Variants in EPHA8 observed in about 807,000 individuals in gnomAD.
EPHA8 encodes the protein ephrin type-A receptor 8.
A neutral mutation model predicts 103.6 loss-of-function variants in EPHA8; 58 were observed. The observed-to-expected ratio is 0.56, with a 90% confidence interval of 0.45 to 0.70. EPHA8 has a LOEUF of 0.70. Among genes scored for constraint, EPHA8 ranks in the 30% least tolerant of loss-of-function variants. The pLI is 0.00. For synonymous variants in EPHA8, 559 were observed against 572.5 expected (o/e 0.98, Z 0.34); for missense variants, 1,304 against 1,395.2 (o/e 0.93, Z 1.04).
rs766256461 is a variant in EPHA8, at chr1:22,601,390, C to T, written c.2820C>T (p.Asp940=). The change falls in exon 16 of 17, where the codon GAC becomes GAT. Residue 940 remains aspartate (D), a synonymous_variant. Transcript: ENST00000166244. ...GCCTCACCGTGGGGGACTGGCTGGA[C>T]TCCATCCGCATGGGCCGGTACCGAG... The part of the protein sequence containing the change: ...GGGLTVGDWL[D]SIRMGRYRDH... 11 of 1,611,538 alleles carry T rather than the reference C, an allele frequency of 6.8e-6. No homozygotes were observed. The highest frequency in any genetic ancestry group is 9.3e-6 in the Non-Finnish European group (11 of 1,179,752).
rs753371979 is a variant in EPHA8 at position 22,598,997 on chromosome 1, G to C, written c.2338G>C (p.Gly780Arg). ...CCTGGTCTGCAAGGTGTCTGACTTCGGGCTCTCACGGGTGCTGGAGGACGA... is the reference window on the plus strand; with the variant it reads ...CCTGGTCTGCAAGGTGTCTGACTTCCGGCTCTCACGGGTGCTGGAGGACGA... Reference protein sequence around the residue: ...SNLVCKVSDFGLSRVLEDDPD... With the variant: ...SNLVCKVSDFRLSRVLEDDPD... Residue 780 changes from glycine to arginine, a missense_variant, in exon 13 of 17, where the codon GGG (glycine) becomes CGG (arginine). By Grantham distance (125) the Gly-to-Arg change is moderately radical (BLOSUM62 -2). Transcript: ENST00000166244. The surrounding 1 kb of genome is among the most constrained non-coding windows in gnomAD (Gnocchi z 5.1). 2 of 1,611,414 alleles carry C rather than the reference G, an allele frequency of 1.2e-6. No individual in the cohort carries two copies. Among genetic ancestry groups the C allele is most frequent in the Admixed American group, 1.7e-5 (1 of 59,788 alleles).
intron 2 of EPHA8, among the ~76,000 whole-genome samples, chr1:22,575,152 T>C (rs190755032): frequency 1.5e-4 from 23 of 152,246 alleles, no homozygotes; most frequent in Non-Finnish European, 2.8e-4. Flanking sequence ...GGTTTCGCCA[T>C]GTTGGCCAGG....
chr1:22,601,189 C>G, intron 15 of EPHA8, 101 bp downstream of exon 15: 3 of 1,527,320 alleles, frequency 2.0e-6, no homozygotes, highest in Non-Finnish European at 2.6e-6. Context: ...GGACCAGGCC[C>G]AGCCTGGGCC....
At chr1:22,578,566 A>C (rs1263385525) in intron 3 of EPHA8, among the ~76,000 whole-genome samples, 4 of 102,684 alleles carry the variant, frequency 3.9e-5, no homozygotes, top group Admixed American at 1.1e-4. Context: ...CACATTTGTT[A>C]GTGTCTGCAT....
At chr1:22,565,773 AG>A (rs1640342083) in intron 1 of EPHA8, among the ~76,000 whole-genome samples, 2 of 152,086 alleles carry the variant, frequency 1.3e-5, no homozygotes, top group African/African-American at 4.8e-5. Flanking sequence ...CTAGAGAGAG[AG>A]GCAGGTGGGG....
chr1:22,598,643 G>A lies in EPHA8; in HGVS notation c.2179-195G>A, dbSNP rs544603198. Reference sequence around the variant, plus strand: ...CAGTCATTGCTGCCCCACGTACCTCGCAGGGTTGCTGTGAGGGTAAATGAG... The same window carrying A: ...CAGTCATTGCTGCCCCACGTACCTCACAGGGTTGCTGTGAGGGTAAATGAG... On this transcript the variant is annotated intron_variant, in intron 12 of 16. Coordinates refer to ENST00000166244, the MANE Select transcript of EPHA8 (RefSeq NM_020526.5). This position sits in a 1 kb window ranked among gnomAD's most constrained non-coding sequence, Gnocchi z 5.1. Among the ~76,000 whole-genome samples, 3 of 152,256 alleles carry A rather than the reference G, an allele frequency of 2.0e-5. No individual in the cohort carries two copies. The highest frequency in any genetic ancestry group is 2.4e-5 in the African/African-American group (1 of 41,544).
chr1:22,589,582 C>A lies in EPHA8; in HGVS notation c.1315+376C>A, dbSNP rs529451033. ...TGAAATTGCTTAGCCCAGCACCTGG[C>A]CCGTGGTAAATGCTCAATAAATGTC... On this transcript the variant is annotated intron_variant, in intron 5 of 16. Transcript: ENST00000166244. This position sits in a 1 kb window ranked among gnomAD's most constrained non-coding sequence, Gnocchi z 4.3. 5 of 1,314,326 alleles carry A rather than the reference C, an allele frequency of 3.8e-6. No homozygotes were observed. Among genetic ancestry groups the A allele is most frequent in the Non-Finnish European group, 4.8e-6 (5 of 1,036,534 alleles). 81.4% of individuals were successfully genotyped at this position (1,314,326 alleles called of 1,614,324 possible). A position where few individuals can be genotyped will look rare whatever the true frequency, so the allele number is the denominator to read the frequency against.
chr1:22,569,378 C>A lies in EPHA8; in HGVS notation c.159+25C>A. ...GGTGAGTGATGGGCACTGGGGACAACGTCATCCCTCTGTGAGCAGAGAGAG... is the reference window on the plus strand; with the variant it reads ...GGTGAGTGATGGGCACTGGGGACAAAGTCATCCCTCTGTGAGCAGAGAGAG... On this transcript the variant is annotated intron_variant, in intron 2 of 16. Coordinates refer to ENST00000166244, the MANE Select transcript of EPHA8 (RefSeq NM_020526.5). This position sits in a 1 kb window ranked among gnomAD's most constrained non-coding sequence, Gnocchi z 4.5. The A allele has an allele frequency of 6.4e-7, 1 of 1,562,400 alleles. No homozygotes were observed. Among genetic ancestry groups the A allele is most frequent in the Non-Finnish European group, 8.7e-7 (1 of 1,155,456 alleles).
intron 3 of EPHA8, among the ~76,000 whole-genome samples, chr1:22,577,772 G>C (rs1640753287): frequency 6.6e-6 from 1 of 151,488 alleles, no homozygotes; most frequent in Non-Finnish European, 1.5e-5. Context: ...GTGCATGAGT[G>C]TGTGTGTGCA....
intron 3 of EPHA8, among the ~76,000 whole-genome samples, chr1:22,578,682 TGA>T (rs1158983428): frequency 2.8e-5 from 4 of 143,132 alleles, no homozygotes; most frequent in African/African-American, 8.6e-5. Context: ...CATTTGTGCA[TGA>T]GTGTATGTGT....
chr1:22,578,876 C>CT, intron 3 of EPHA8, among the ~76,000 whole-genome samples: 1 of 119,960 alleles, frequency 8.3e-6, no homozygotes, highest in Middle Eastern at 6.8e-3. Context: ...TGCACGTGTC[C>CT]GTGTGTCCGT....
At chr1:22,599,865 A>AAGGG (rs1553149323) in intron 13 of EPHA8, among the ~76,000 whole-genome samples, 1 of 54,088 alleles carries the variant, frequency 1.8e-5, no homozygotes, top group African/African-American at 9.8e-5. Context: ...GGAAGGGAGG[A>AAGGG]AGGGAAGGAG....
At chr1:22,579,039 G>C (rs1210855568) in intron 3 of EPHA8, among the ~76,000 whole-genome samples, 1 of 144,384 alleles carries the variant, frequency 6.9e-6, no homozygotes, top group Non-Finnish European at 1.5e-5. Context: ...ATGTATGCAT[G>C]TGTGTGCATT....
At position 22,576,116 on chromosome 1, in the gene EPHA8, C is replaced by A. The variant is rs576721407; in HGVS notation, c.160-101C>A. The A allele has an allele frequency of 1.5e-6, 2 of 1,355,132 alleles. No individual in the cohort carries two copies. Among genetic ancestry groups the A allele is most frequent in the African/African-American group, 2.9e-5 (2 of 67,944 alleles). The allele number at this position is 1,355,132 out of a possible 1,614,324, so 83.9% of individuals were successfully genotyped here. On this transcript the variant is annotated intron_variant, in intron 2 of 16. Coordinates refer to ENST00000166244, the MANE Select transcript of EPHA8 (RefSeq NM_020526.5). The surrounding 1 kb of genome is among the most constrained non-coding windows in gnomAD (Gnocchi z 4.8). ...GCCACCAGGAGGCCAGCTCCTTTGT[C>A]TTTTTTTTTGCCAGCGTCCCCAGCA... is the stretch of plus-strand genomic sequence containing the variant.
rs763881252 is a variant in EPHA8 at position 22,569,384 on chromosome 1, C to A, written c.159+31C>A. The A allele has an allele frequency of 1.3e-6, 2 of 1,559,146 alleles. No individual in the cohort carries two copies. Among genetic ancestry groups the A allele is most frequent in the Admixed American group, 3.8e-5 (2 of 53,216 alleles). Reference sequence around the variant, plus strand: ...TGATGGGCACTGGGGACAACGTCATCCCTCTGTGAGCAGAGAGAGGCTGCC... The same window carrying A: ...TGATGGGCACTGGGGACAACGTCATACCTCTGTGAGCAGAGAGAGGCTGCC... On this transcript the variant is annotated intron_variant, in intron 2 of 16. Coordinates refer to ENST00000166244, the MANE Select transcript of EPHA8 (RefSeq NM_020526.5). The surrounding 1 kb of genome is among the most constrained non-coding windows in gnomAD (Gnocchi z 4.5).
At chr1:22,579,266 T>C (rs1009305994) in intron 3 of EPHA8, among the ~76,000 whole-genome samples, 2 of 151,836 alleles carry the variant, frequency 1.3e-5, no homozygotes, top group Non-Finnish European at 2.9e-5. Context: ...TGTGCGTGCA[T>C]GTGTCAGAGT....
intron 13 of EPHA8, among the ~76,000 whole-genome samples, chr1:22,599,485 C>T (rs1362248457): frequency 6.6e-6 from 1 of 151,962 alleles, no homozygotes; most frequent in Non-Finnish European, 1.5e-5. Context: ...TTCACCCTGG[C>T]CCCAATAGGA....
At chr1:22,578,850 CATGCATGTGTGTATATGCA>C (rs1367924971) in intron 3 of EPHA8, among the ~76,000 whole-genome samples, 35 of 144,344 alleles carry the variant, frequency 2.4e-4, no homozygotes, top group African/African-American at 8.6e-4. Flanking sequence ...TGCATGTGTG[CATGCATGTGTGTATATGCA>C]CGTGTCCGTG....
rs372865058 is a variant in EPHA8, at chr1:22,598,840, C to T, written c.2181C>T (p.Thr727=). The T allele has an allele frequency of 1.4e-4, 231 of 1,612,192 alleles. 6 individuals are homozygous for T. In the South Asian group the frequency reaches 1.7e-3, roughly 12 times the overall value. Residue 727 remains threonine, a splice_region_variant and synonymous_variant, in exon 13 of 17, where the codon ACC becomes ACT. Coordinates refer to ENST00000166244, the MANE Select transcript of EPHA8 (RefSeq NM_020526.5). This position sits in a 1 kb window ranked among gnomAD's most constrained non-coding sequence, Gnocchi z 5.1. ...ENGSLDTFLR[T]HDGQFTIMQL... is the part of the protein sequence containing the mutation. ...GTCCAAGCCATGTCCCCCTGCAGAC[C>T]CACGACGGGCAGTTCACCATCATGC...
Sources: gnomAD v4.1 joint callset for allele counts (sites outside exome capture counted in the v4.1 genomes callset) on GRCh38, gnomAD v4.1.1 for gene constraint, Gnocchi (gnomAD v3.1) non-coding constraint, MANE v1.5 for transcripts, NCBI Gene and HGNC (gene_info 2026-07-23, HGNC 2026-07-21) for gene names.